Variants in UTS2 observed in about 807,000 individuals in gnomAD.
The protein encoded by UTS2 is urotensin-2.
UTS2 carries 10 observed loss-of-function variants against 12.6 expected under a neutral mutation model. That is an observed-to-expected ratio of 0.80 (90% CI 0.49 to 1.35). UTS2 has a LOEUF of 1.35. Ranked by LOEUF, UTS2 falls within the 40% of genes most tolerant of loss-of-function variation. The pLI is 0.00. For synonymous variants in UTS2, 52 were observed against 50.0 expected (o/e 1.04, Z -0.17); for missense variants, 142 against 143.2 (o/e 0.99, Z 0.04).
At chr1:7,887,126 C>A in the UTS2 span, among the ~76,000 whole-genome samples, 2 of 145,784 alleles carry the variant, frequency 1.4e-5, no homozygotes, top group Non-Finnish European at 3.0e-5. Context: ...TCTGTATTTT[C>A]CCTGTTCTTT....
At chr1:7,885,592 G>C in the UTS2 span, among the ~76,000 whole-genome samples, 1 of 152,112 alleles carries the variant, frequency 6.6e-6, no homozygotes, top group Non-Finnish European at 1.5e-5. Context: ...GACGGGGCCG[G>C]GGAGGGGAGC....
the UTS2 span, among the ~76,000 whole-genome samples, chr1:7,892,196 C>G: frequency 1.3e-5 from 2 of 152,206 alleles, no homozygotes; most frequent in Non-Finnish European, 2.9e-5. Context: ...AGTTACTATA[C>G]TACAGACCTG....
chr1:7,892,302 C>T, the UTS2 span, among the ~76,000 whole-genome samples: 1 of 152,016 alleles, frequency 6.6e-6, no homozygotes, highest in East Asian at 1.9e-4. Flanking sequence ...GTCACCTGGG[C>T]TTCCTTCCCT....
chr1:7,887,876 G>A, the UTS2 span, among the ~76,000 whole-genome samples: 1,824 of 151,936 alleles, frequency 0.012, 33 homozygotes, highest in African/African-American at 0.041. Context: ...TTTTTAAAAC[G>A]AAGCCACTTA....
chr1:7,870,599 A>C, the UTS2 span, among the ~76,000 whole-genome samples: 1 of 152,230 alleles, frequency 6.6e-6, no homozygotes, highest in Non-Finnish European at 1.5e-5. Flanking sequence ...TCAGGTGAGA[A>C]AACTTTCTTG....
At chr1:7,883,506 A>T in the UTS2 span, among the ~76,000 whole-genome samples, 1 of 152,212 alleles carries the variant, frequency 6.6e-6, no homozygotes, top group Non-Finnish European at 1.5e-5. Flanking sequence ...TAACAACAAC[A>T]TATTTCATAT....
chr1:7,886,381 GT>G, the UTS2 span, among the ~76,000 whole-genome samples: 3 of 152,126 alleles, frequency 2.0e-5, no homozygotes, highest in African/African-American at 7.2e-5. Context: ...TTAATATATT[GT>G]TCAAGCTAGT....
the UTS2 span, among the ~76,000 whole-genome samples, chr1:7,863,023 G>GTAT: frequency 8.2e-5 from 2 of 24,332 alleles, no homozygotes; most frequent in South Asian, 1.5e-3. Flanking sequence ...GTATTGTATT[G>GTAT]TATTGTATTG....
chr1:7,906,463 G>GAAAGAAAGAAAGA, the UTS2 span, among the ~76,000 whole-genome samples: 3 of 107,532 alleles, frequency 2.8e-5, no homozygotes, highest in African/African-American at 1.1e-4. Context: ...AAGAAAGAAA[G>GAAAGAAAGAAAGA]AAAGAAAGAA....
Position 7,852,995 on chromosome 1 carries a change from C to G in UTS2, c.9G>C (p.Lys3Asn). ...TGAAAAGCAAACAGCAGGAGGCCAGCTTATACATGATCGCCACAAGATAGA... is the reference window on the plus strand; with the variant it reads ...TGAAAAGCAAACAGCAGGAGGCCAGGTTATACATGATCGCCACAAGATAGA... Reference protein sequence around the residue: MYKLASCCLLFIG... With the variant: MYNLASCCLLFIG... The change falls in exon 1 of 4, where the codon AAG (lysine) becomes AAC (asparagine). Residue 3 changes from lysine (K) to asparagine (N), a missense_variant. Transcript: ENST00000361696. 6.2e-7 allele frequency: 1 copy of G among 1,611,898 alleles called. No homozygotes were observed. The highest frequency in any genetic ancestry group is 1.7e-5 in the Admixed American group (1 of 59,570).
At chr1:7,863,105 A>ATTGTATTGTAT in the UTS2 span, among the ~76,000 whole-genome samples, 1 of 133,952 alleles carries the variant, frequency 7.5e-6, no homozygotes, top group African/African-American at 3.0e-5. Context: ...ATTGTATTGT[A>ATTGTATTGTAT]TTGTATTGTA....
the UTS2 span, among the ~76,000 whole-genome samples, chr1:7,905,369 T>C: frequency 6.6e-6 from 1 of 151,786 alleles, no homozygotes; most frequent in Non-Finnish European, 1.5e-5. Context: ...GGTCTTGAAC[T>C]CCCGACCTCA....
intron 3 of UTS2, among the ~76,000 whole-genome samples, chr1:7,849,265 A>C (rs1179807952): frequency 1.3e-5 from 2 of 152,012 alleles, no homozygotes; most frequent in Non-Finnish European, 2.9e-5. Flanking sequence ...CCCAGGCTGG[A>C]GTGCAGTGGC....
chr1:7,878,710 G>A, the UTS2 span, among the ~76,000 whole-genome samples: 5 of 151,848 alleles, frequency 3.3e-5, no homozygotes, highest in Admixed American at 6.6e-5. Flanking sequence ...AAAAAAAAAT[G>A]AGAGAGATAA....
chr1:7,884,505 C>T, the UTS2 span, among the ~76,000 whole-genome samples: 1 of 151,980 alleles, frequency 6.6e-6, no homozygotes, highest in African/African-American at 2.4e-5. Context: ...GACAAGGTCT[C>T]ACTATGTTGC....
the UTS2 span, among the ~76,000 whole-genome samples, chr1:7,871,720 A>G: frequency 6.6e-6 from 1 of 152,126 alleles, no homozygotes; most frequent in Non-Finnish European, 1.5e-5. Flanking sequence ...TCTTATTATT[A>G]TATCGCTGAG....
chr1:7,895,042 A>G, the UTS2 span, among the ~76,000 whole-genome samples: 1,350 of 151,870 alleles, frequency 8.9e-3, 24 homozygotes, highest in African/African-American at 0.031. Context: ...GGCTTTGTGC[A>G]TAAGGACAGC....
At chr1:7,868,353 G>A in the UTS2 span, among the ~76,000 whole-genome samples, 1 of 152,216 alleles carries the variant, frequency 6.6e-6, no homozygotes, top group Non-Finnish European at 1.5e-5. Context: ...GCAGGAGGAT[G>A]AGCTTGGGTT....
intron 2 of UTS2, among the ~76,000 whole-genome samples, chr1:7,850,171 T>C (rs2097412544): frequency 6.6e-6 from 1 of 152,060 alleles, no homozygotes; most frequent in Non-Finnish European, 1.5e-5. Flanking sequence ...GTTTTCACCA[T>C]GTTGGCCAGG....
Sources: gnomAD v4.1 joint callset for allele counts (sites outside exome capture counted in the v4.1 genomes callset) on GRCh38, gnomAD v4.1.1 for gene constraint, MANE v1.5 for transcripts, NCBI Gene and HGNC (gene_info 2026-07-23, HGNC 2026-07-21) for gene names.